Variants in L3MBTL4 observed in about 807,000 individuals in gnomAD.
L3MBTL4 encodes the protein lethal(3)malignant brain tumor-like protein 4.
In L3MBTL4, 70 loss-of-function variants were observed where a neutral mutation model predicts 84.5. The ratio of observed to expected loss-of-function variants is 0.83; its 90% CI spans 0.68 to 1.01. The LOEUF is 1.01. L3MBTL4 is among the 50% of genes least tolerant of loss of function. L3MBTL4 has a pLI of 0.00. For missense variants in L3MBTL4, 715 were observed against 754.8 expected, an observed-to-expected ratio of 0.95 and a Z score of 0.62; for synonymous variants, 274 against 259.8, an observed-to-expected ratio of 1.05 and a Z score of -0.52.
intron 16 of L3MBTL4, chr18:6,025,163 C>G (rs2055443200): frequency 6.6e-6 from 1 of 152,156 alleles, no homozygotes; most frequent in Non-Finnish European, 1.5e-5. Context: ...AACAAGACAT[C>G]ATCCTGGAAA....
intron 1 of L3MBTL4, among the ~76,000 whole-genome samples, chr18:6,331,327 G>A (rs536813383): frequency 2.0e-5 from 3 of 152,264 alleles, no homozygotes; most frequent in East Asian, 1.9e-4. Context: ...AACAAGAATC[G>A]CTGAGAGATC....
At chr18:6,025,519 C>CA (rs781645614) in intron 16 of L3MBTL4, among the ~76,000 whole-genome samples, 10 of 152,176 alleles carry the variant, frequency 6.6e-5, no homozygotes, top group Admixed American at 4.6e-4. Context: ...TAAAAACATT[C>CA]ACTCTGTTTA....
rs540059765 is a variant in L3MBTL4 at position 6,279,341 on chromosome 18, G to A, written c.128-15303C>T. 2.0e-5 allele frequency among the ~76,000 whole-genome samples: 3 copies of A among 151,562 alleles called. No homozygotes were observed. The East Asian group carries it at 5.8e-4, about 29-fold the overall frequency. On this transcript the variant is annotated intron_variant, in intron 4 of 18. Transcript: ENST00000317931. ...AGGAGAAGAGGAGGGGGAAAGAGAG[G>A]GGAAGGAGAAGGAGAGGAAATAGTC...
chr18:6,293,530 A>G (rs905355948), intron 4 of L3MBTL4, among the ~76,000 whole-genome samples: 4 of 152,170 alleles, frequency 2.6e-5, no homozygotes, highest in African/African-American at 9.6e-5. Context: ...AGAAATAAAT[A>G]AAAAGAAATT....
At chr18:6,243,476 G>C in intron 6 of L3MBTL4, 47 bp from the exon 7 acceptor site, 1 of 1,474,024 alleles carries the variant, frequency 6.8e-7, no homozygotes, top group Non-Finnish European at 9.1e-7. Context: ...TCATATATTT[G>C]GAGTAGACAC....
At chr18:6,025,113 G>C (rs987169579) in intron 16 of L3MBTL4, 2 of 152,100 alleles carry the variant, frequency 1.3e-5, no homozygotes, top group East Asian at 3.9e-4. Flanking sequence ...ATTTTGCAGA[G>C]AGCATGAGAA....
intron 1 of L3MBTL4, among the ~76,000 whole-genome samples, chr18:6,316,729 T>C (rs1322563361): frequency 2.0e-5 from 3 of 152,124 alleles, no homozygotes; most frequent in African/African-American, 7.2e-5. Context: ...AGCTGGAACA[T>C]TGGGTCAGGA....
intron 16 of L3MBTL4, among the ~76,000 whole-genome samples, chr18:6,055,154 A>G (rs2056977143): frequency 6.6e-6 from 1 of 152,176 alleles, no homozygotes; most frequent in Admixed American, 6.5e-5. Context: ...TGAAAGAGAA[A>G]CCATTTTAGT....
chr18:6,080,827 C>T, intron 16 of L3MBTL4, 54 bp downstream of exon 16: 1 of 1,271,344 alleles, frequency 7.9e-7, no homozygotes, highest in South Asian at 1.3e-5. Context: ...ACAAATAAGA[C>T]ATTCTGCACA....
intron 15 of L3MBTL4, among the ~76,000 whole-genome samples, chr18:6,085,750 TA>T (rs1304450168): frequency 6.6e-6 from 1 of 152,194 alleles, no homozygotes; most frequent in Non-Finnish European, 1.5e-5. Flanking sequence ...CTTTCCTTTA[TA>T]AAGCACCCAG....
intron 12 of L3MBTL4, among the ~76,000 whole-genome samples, chr18:6,175,658 T>C (rs73383903): frequency 0.032 from 4,886 of 152,292 alleles, 280 homozygotes; most frequent in African/African-American, 0.11. Context: ...AATACTTCAG[T>C]AAACTAGAAA....
intron 4 of L3MBTL4, among the ~76,000 whole-genome samples, chr18:6,269,748 T>C (rs1156679963): frequency 6.6e-6 from 1 of 152,186 alleles, no homozygotes; most frequent in African/African-American, 2.4e-5. Context: ...CACATGTTTA[T>C]ATACAAATAC....
intron 4 of L3MBTL4, among the ~76,000 whole-genome samples, chr18:6,281,622 T>C (rs1013220658): frequency 1.3e-5 from 2 of 152,246 alleles, no homozygotes; most frequent in Non-Finnish European, 1.5e-5. Flanking sequence ...GCATCCTTTC[T>C]GTGTTTTAAA....
chr18:5,958,014 G>GAAT (rs2095237603), intron 18 of L3MBTL4, among the ~76,000 whole-genome samples: 1 of 131,184 alleles, frequency 7.6e-6, no homozygotes, highest in Non-Finnish European at 1.6e-5. Context: ...GAAGGAGGAG[G>GAAT]AGGAGAAGGA....
chr18:5,998,170 G>GAA, intron 16 of L3MBTL4, among the ~76,000 whole-genome samples: 1 of 152,260 alleles, frequency 6.6e-6, no homozygotes, highest in Middle Eastern at 3.4e-3. Flanking sequence ...CATCCATTAG[G>GAA]TGGCCAGGTA....
At chr18:6,249,310 T>C (rs1382569816) in intron 5 of L3MBTL4, among the ~76,000 whole-genome samples, 1 of 152,234 alleles carries the variant, frequency 6.6e-6, no homozygotes, top group Non-Finnish European at 1.5e-5. Flanking sequence ...ACATTGTTCA[T>C]GTTTTAACAA....
chr18:6,383,762 C>CCCTA (rs2054698563), intron 1 of L3MBTL4, among the ~76,000 whole-genome samples: 1 of 152,206 alleles, frequency 6.6e-6, no homozygotes, highest in African/African-American at 2.4e-5. Context: ...ATTCAGCCAT[C>CCCTA]TTGCCAGCAA....
chr18:6,167,368 C>T (rs546486724), intron 13 of L3MBTL4, among the ~76,000 whole-genome samples: 4 of 152,156 alleles, frequency 2.6e-5, no homozygotes, highest in African/African-American at 4.8e-5. Context: ...GGCAGAGACA[C>T]GACAAAAAAA....
chr18:6,275,765 A>T (rs925647648), intron 4 of L3MBTL4, among the ~76,000 whole-genome samples: 2 of 152,316 alleles, frequency 1.3e-5, no homozygotes, highest in Admixed American at 6.5e-5. Context: ...TGTTTTATTC[A>T]TGTATGACAA....
Sources: gnomAD v4.1 joint callset for allele counts (sites outside exome capture counted in the v4.1 genomes callset) on GRCh38, gnomAD v4.1.1 for gene constraint, MANE v1.5 for transcripts, NCBI Gene and HGNC (gene_info 2026-07-23, HGNC 2026-07-21) for gene names.